Variants in TCF3 observed in about 807,000 individuals in gnomAD.
TCF3 encodes transcription factor E2-alpha.
A neutral mutation model predicts 72.3 loss-of-function variants in TCF3; 54 were observed. The ratio of observed to expected loss-of-function variants is 0.75; its 90% CI spans 0.60 to 0.94. The LOEUF is 0.94. TCF3 is among the 40% of genes least tolerant of loss of function. The pLI is 0.00. For missense variants in TCF3, 1,078 were observed against 934.4 expected, an observed-to-expected ratio of 1.15 and a Z score of -2.00; for synonymous variants, 525 against 412.6, an observed-to-expected ratio of 1.27 and a Z score of -3.30.
chr19:1,610,236 G>A lies in TCF3; in HGVS notation c.*1471C>T, dbSNP rs2060888649. 4.3e-6 allele frequency: 1 copy of A among 232,126 alleles called. No individual in the cohort carries two copies. Among genetic ancestry groups the A allele is most frequent in the Non-Finnish European group, 8.5e-6 (1 of 117,402 alleles). 14.4% of individuals were successfully genotyped at this position (232,126 alleles called of 1,614,324 possible). On this transcript the variant is annotated 3_prime_UTR_variant, in exon 19 of 19. Transcript: ENST00000262965. Reference sequence around the variant, plus strand: ...AGCAGGGTCGGACGCACAGCCCAAGGCCTTCGTGGGGCTCAGACCAGCACA... The same window carrying A: ...AGCAGGGTCGGACGCACAGCCCAAGACCTTCGTGGGGCTCAGACCAGCACA...
In TCF3 at chr19:1,622,435, G is replaced by T; in HGVS notation, c.550-20C>A. The T allele has an allele frequency of 7.9e-7, 1 of 1,270,990 alleles. No individual in the cohort carries two copies. The allele number at this position is 1,270,990 out of a possible 1,614,324, so 78.7% of individuals were successfully genotyped here. On this transcript the variant is annotated intron_variant, in intron 8 of 18. Coordinates refer to ENST00000262965, the MANE Select transcript of TCF3 (RefSeq NM_003200.5). ...GTACACCTGCGGGCGGGTGGGCGGT[G>T]GGGGGTGCAGTCAGGACGGAGGGAC...
chr19:1,628,569 T>G (rs1015428638), intron 5 of TCF3, among the ~76,000 whole-genome samples: 6 of 17,378 alleles, frequency 3.5e-4, no homozygotes, highest in Admixed American at 2.6e-3. Context: ...CTCACGGGGG[T>G]GGGGCAGGAA....
intron 11 of TCF3, 62 bp downstream of exon 11, chr19:1,621,776 C>G (rs375378576): frequency 1.3e-6 from 2 of 1,492,778 alleles, no homozygotes; most frequent in East Asian, 2.4e-5. Flanking sequence ...CACCCCCCAC[C>G]CAGACCCTGC....
chr19:1,650,151 G>T (rs778898935), intron 2 of TCF3, 26 bp downstream of exon 2: 1 of 1,553,938 alleles, frequency 6.4e-7, no homozygotes. Context: ...AGGGGTGTCG[G>T]GGGCTGGGCG....
chr19:1,650,487 T>C (rs1395860433), intron 1 of TCF3, 200 bp from the exon 2 acceptor site: 4 of 517,368 alleles, frequency 7.7e-6, no homozygotes, highest in Non-Finnish European at 1.4e-5. Context: ...TCTAGGTCCC[T>C]GCAGAGTCCT....
At chr19:1,622,520 C>A (rs1169613095) in intron 8 of TCF3, 105 bp from the exon 9 acceptor site, 3 of 609,802 alleles carry the variant, frequency 4.9e-6, no homozygotes, top group Non-Finnish European at 5.4e-6. Context: ...CATCTACCAC[C>A]CCGTTTCCCT....
At chr19:1,618,514 C>A (rs546939018) in intron 16 of TCF3, among the ~76,000 whole-genome samples, 3 of 151,728 alleles carry the variant, frequency 2.0e-5, no homozygotes, top group Non-Finnish European at 2.9e-5. Context: ...CGCCCTCCCC[C>A]CTTCCCTCTC....
In TCF3 at chr19:1,627,363, G is replaced by A; in HGVS notation, c.362C>T (p.Thr121Ile). 1.2e-6 allele frequency: 2 copies of A among 1,609,714 alleles called. No homozygotes were observed. The highest frequency in any genetic ancestry group is 1.7e-6 in the Non-Finnish European group (2 of 1,178,896). ...AGCCCGGCCCGAGCCCCTCACCTGA[G>A]TCAGGCCGCCCACGCCTGCGTCTCT... ...FGRDAGVGGLTQAGFLSGELA... is the reference protein window; with the variant it reads ...FGRDAGVGGLIQAGFLSGELA... Residue 121 changes from threonine to isoleucine, a missense_variant, in exon 6 of 19, where the codon ACT (threonine) becomes ATT (isoleucine). Coordinates refer to ENST00000262965, the MANE Select transcript of TCF3 (RefSeq NM_003200.5).
intron 3 of TCF3, among the ~76,000 whole-genome samples, chr19:1,638,023 C>T (rs1047357472): frequency 3.9e-5 from 6 of 152,220 alleles, no homozygotes; most frequent in African/African-American, 1.4e-4. Flanking sequence ...TGTCTTAAGC[C>T]TGTAAGCCCC....
intron 3 of TCF3, 26 bp downstream of exon 3, chr19:1,646,329 G>A: frequency 8.4e-6 from 13 of 1,549,268 alleles, no homozygotes; most frequent in South Asian, 1.2e-5. Flanking sequence ...CACTCCACGA[G>A]CGCTGGCAGG....
intron 5 of TCF3, among the ~76,000 whole-genome samples, chr19:1,630,852 A>C (rs562752164): frequency 6.6e-6 from 1 of 152,136 alleles, no homozygotes; most frequent in African/African-American, 2.4e-5. Context: ...GGGGCACAGG[A>C]CTTGACACTC....
chr19:1,618,153 G>A (rs747223427), intron 16 of TCF3, among the ~76,000 whole-genome samples: 15 of 152,126 alleles, frequency 9.9e-5, no homozygotes, highest in Non-Finnish European at 1.9e-4. Context: ...CCTTCCTTAC[G>A]GAGTTCCCAG....
In TCF3 at chr19:1,615,679, T is replaced by C. The variant is rs773006419; in HGVS notation, c.1586+7A>G. On this transcript the variant is annotated splice_region_variant and intron_variant, in intron 17 of 18. Transcript: ENST00000262965. This position sits in a 1 kb window ranked among gnomAD's most constrained non-coding sequence, Gnocchi z 7.3. ...AGGGTGGGGAGTGCCGAGGGGTGGG[T>C]TGGCACCTGGTCCGGGCCCGGGGGG... 1.1e-5 allele frequency: 17 copies of C among 1,612,650 alleles called. No individual in the cohort carries two copies. Among genetic ancestry groups the C allele is most frequent in the Admixed American group, 6.7e-5 (4 of 59,908 alleles).
At position 1,637,193 on chromosome 19, in the gene TCF3, AG is replaced by A. The variant is rs754560828; in HGVS notation, c.146-4789del. 4.7e-5 allele frequency among the ~76,000 whole-genome samples: 7 copies of A among 148,098 alleles called. No homozygotes were observed. In the South Asian group the frequency reaches 1.3e-3, roughly 27 times the overall value. ...AGGGACAAGCTCCTCCCCCAGAACC[AG>A]GGGCGCCTCGCAACCTCCTCCACCA... On this transcript the variant is annotated intron_variant, in intron 3 of 18. Coordinates refer to ENST00000262965, the MANE Select transcript of TCF3 (RefSeq NM_003200.5).
intron 18 of TCF3, among the ~76,000 whole-genome samples, chr19:1,613,732 G>C (rs927037787): frequency 6.6e-6 from 1 of 152,110 alleles, no homozygotes; most frequent in Admixed American, 6.5e-5. Context: ...ACCCTGGGGA[G>C]GAGCCTCAGA....
rs765570633 is a variant in TCF3 at position 1,611,746 on chromosome 19, T to A, written c.1926A>T (p.Pro642=). Residue 642 remains proline, a synonymous_variant, in exon 19 of 19, where the codon CCA becomes CCT. Coordinates refer to ENST00000262965, the MANE Select transcript of TCF3 (RefSeq NM_003200.5). ...DPQMVLSAPH[P]GLSEAHNPAG... Reference sequence around the variant, plus strand: ...CGGGGTTGTGGGCTTCGCTCAGGCCTGGGTGGGGAGCTGAAAGCACCATCT... The same window carrying A: ...CGGGGTTGTGGGCTTCGCTCAGGCCAGGGTGGGGAGCTGAAAGCACCATCT... The A allele has an allele frequency of 1.2e-6, 2 of 1,613,590 alleles. No individual in the cohort carries two copies. Among genetic ancestry groups the A allele is most frequent in the African/African-American group, 2.7e-5 (2 of 74,828 alleles).
At chr19:1,651,835 G>A (rs373361200) in intron 1 of TCF3, among the ~76,000 whole-genome samples, 3 of 147,150 alleles carry the variant, frequency 2.0e-5, no homozygotes, top group East Asian at 4.1e-4. Flanking sequence ...ACCAGCGCCT[G>A]CAGCGCGCGG....
chr19:1,619,940 C>T (rs1299467850), intron 13 of TCF3, 87 bp from the exon 14 acceptor site: 1 of 1,193,764 alleles, frequency 8.4e-7, no homozygotes, highest in South Asian at 1.4e-5. Flanking sequence ...CATGAACCAC[C>T]CCGCCTGTCC....
intron 6 of TCF3, among the ~76,000 whole-genome samples, chr19:1,626,758 C>T (rs1026488639): frequency 3.3e-5 from 5 of 152,332 alleles, no homozygotes; most frequent in African/African-American, 9.6e-5. Context: ...GCCTGGCACC[C>T]GGCTGGCCCC....
Sources: gnomAD v4.1 joint callset for allele counts (sites outside exome capture counted in the v4.1 genomes callset) on GRCh38, gnomAD v4.1.1 for gene constraint, Gnocchi (gnomAD v3.1) non-coding constraint, MANE v1.5 for transcripts, NCBI Gene and HGNC (gene_info 2026-07-23, HGNC 2026-07-21) for gene names.